Variants in PDE4B observed in about 807,000 individuals in gnomAD.
PDE4B encodes the protein phosphodiesterase 4B.
PDE4B carries 20 observed loss-of-function variants against 82.2 expected under a neutral mutation model. That is an observed-to-expected ratio of 0.24 (90% confidence interval 0.17 to 0.35). The LOEUF is 0.35. PDE4B is among the 10% of genes least tolerant of loss of function. The pLI is 1.00. For missense variants in PDE4B, 655 were observed against 907.2 expected, an observed-to-expected ratio of 0.72 and a Z score of 3.57; for synonymous variants, 320 against 318.9, an observed-to-expected ratio of 1.00 and a Z score of -0.04.
intron 7 of PDE4B, 62 bp from the exon 8 acceptor site, chr1:66,332,446 C>CT: frequency 6.2e-7 from 1 of 1,614,156 alleles, no homozygotes; most frequent in African/African-American, 1.3e-5. Context: ...GTAGCGGTGA[C>CT]TCTGCTATGG....
At position 66,346,454 on chromosome 1, in the gene PDE4B, G is replaced by A. The variant is rs375833489; in HGVS notation, c.748-9073G>A. On this transcript the variant is annotated intron_variant, in intron 8 of 16. Transcript: ENST00000341517. The stretch of plus-strand genomic sequence containing the variant: ...TTCTCCAAATAGACTCTTTTTTTAC[G>A]GTTTAACTTAAGCATAAGACCATTT... Among the ~76,000 whole-genome samples, 54 of 152,068 alleles carry A rather than the reference G, an allele frequency of 3.6e-4. 1 individual carries two copies. Among genetic ancestry groups the A allele is most frequent in the Admixed American group, 3.2e-3 (49 of 15,264 alleles).
chr1:66,358,277 C>T (rs186672033), intron 9 of PDE4B, among the ~76,000 whole-genome samples: 37 of 152,232 alleles, frequency 2.4e-4, no homozygotes, highest in Admixed American at 2.1e-3. Context: ...CTGTTAGGAA[C>T]GCAGAACATA....
intron 6 of PDE4B, among the ~76,000 whole-genome samples, chr1:66,263,845 A>G (rs1238093570): frequency 6.6e-6 from 1 of 152,204 alleles, no homozygotes; most frequent in African/African-American, 2.4e-5. Context: ...CAGGGGAATG[A>G]ATGGCCTGAA....
chr1:66,362,008 G>A (rs957724889), intron 10 of PDE4B, among the ~76,000 whole-genome samples: 1 of 152,132 alleles, frequency 6.6e-6, no homozygotes, highest in Non-Finnish European at 1.5e-5. Context: ...AGTCTTGGGG[G>A]ATAGCCTGGA....
At chr1:65,877,067 T>C (rs572041274) in intron 1 of PDE4B, among the ~76,000 whole-genome samples, 8 of 152,272 alleles carry the variant, frequency 5.3e-5, no homozygotes, top group Non-Finnish European at 1.2e-4. Context: ...AAATTTCATA[T>C]GGAACCAAAA....
intron 7 of PDE4B, chr1:66,331,673 C>A: frequency 1.2e-6 from 1 of 844,738 alleles, no homozygotes; most frequent in Non-Finnish European, 1.4e-6. Flanking sequence ...AGAGTGTTCA[C>A]ATCTGGCTCC....
intron 3 of PDE4B, among the ~76,000 whole-genome samples, chr1:66,241,986 A>G (rs1010182268): frequency 3.3e-5 from 5 of 152,190 alleles, no homozygotes; most frequent in Admixed American, 2.6e-4. Context: ...TTTTGGTGTG[A>G]TACTCAGCTC....
intron 1 of PDE4B, among the ~76,000 whole-genome samples, chr1:65,870,731 A>C (rs926157346): frequency 6.6e-6 from 1 of 152,180 alleles, no homozygotes; most frequent in Admixed American, 6.6e-5. Flanking sequence ...AATTATCAGC[A>C]GTACGACAAA....
intron 3 of PDE4B, among the ~76,000 whole-genome samples, chr1:65,948,156 T>C (rs1472712910): frequency 6.6e-6 from 1 of 151,786 alleles, no homozygotes; most frequent in East Asian, 1.9e-4. Context: ...CTGCTAAGTA[T>C]GCCCATCCCA....
At chr1:66,006,897 C>G (rs1461797504) in intron 3 of PDE4B, among the ~76,000 whole-genome samples, 1 of 152,050 alleles carries the variant, frequency 6.6e-6, no homozygotes, top group Non-Finnish European at 1.5e-5. Flanking sequence ...TATAAATTAC[C>G]CAGTCTCAGG....
At chr1:65,992,800 A>G in intron 3 of PDE4B, 1 of 1,445,018 alleles carries the variant, frequency 6.9e-7, no homozygotes, top group Non-Finnish European at 9.1e-7. Flanking sequence ...TCGTAAATTA[A>G]ACTGGAAATA....
intron 3 of PDE4B, among the ~76,000 whole-genome samples, chr1:66,006,006 T>G (rs1652128297): frequency 6.6e-6 from 1 of 152,212 alleles, no homozygotes. Context: ...TGCTCTGCCT[T>G]TCTGCAAAAT....
At chr1:65,811,692 G>C (rs1305027451) in intron 1 of PDE4B, among the ~76,000 whole-genome samples, 1 of 152,054 alleles carries the variant, frequency 6.6e-6, no homozygotes, top group East Asian at 1.9e-4. Flanking sequence ...ATCTAGCATA[G>C]TACAAGACAC....
chr1:65,977,783 T>C (rs1487783459), intron 3 of PDE4B, among the ~76,000 whole-genome samples: 1 of 152,136 alleles, frequency 6.6e-6, no homozygotes, highest in East Asian at 1.9e-4. Flanking sequence ...AAGGAGAAAG[T>C]TTTACTTTTT....
chr1:66,284,532 C>A (rs1570622531), intron 7 of PDE4B, among the ~76,000 whole-genome samples: 2 of 152,210 alleles, frequency 1.3e-5, no homozygotes, highest in East Asian at 1.9e-4. Context: ...GTGGTGCATA[C>A]CTGTAGTTCG....
chr1:66,349,561 G>A (rs1570748113), intron 8 of PDE4B, among the ~76,000 whole-genome samples: 1 of 152,140 alleles, frequency 6.6e-6, no homozygotes, highest in South Asian at 2.1e-4. Context: ...TTAAGCAGAC[G>A]TTAATGGACA....
chr1:65,887,083 T>A, intron 1 of PDE4B, among the ~76,000 whole-genome samples: 1 of 151,980 alleles, frequency 6.6e-6, no homozygotes, highest in Non-Finnish European at 1.5e-5. Context: ...TATATCACAT[T>A]GTGGTTTCGA....
intron 7 of PDE4B, 101 bp from the exon 8 acceptor site, chr1:66,332,407 C>T (rs1378235994): frequency 3.7e-6 from 6 of 1,613,924 alleles, no homozygotes; most frequent in Non-Finnish European, 5.1e-6. Flanking sequence ...AGCACGGGGG[C>T]ACCTTCAGTA....
intron 8 of PDE4B, among the ~76,000 whole-genome samples, chr1:66,333,568 CTTG>C (rs1660284934): frequency 6.6e-6 from 1 of 152,194 alleles, no homozygotes; most frequent in African/African-American, 2.4e-5. Context: ...GAAGTATCAT[CTTG>C]TTGTCTACGT....
Sources: gnomAD v4.1 joint callset for allele counts (sites outside exome capture counted in the v4.1 genomes callset) on GRCh38, gnomAD v4.1.1 for gene constraint, MANE v1.5 for transcripts, NCBI Gene and HGNC (gene_info 2026-07-23, HGNC 2026-07-21) for gene names.